Variants in ASPG observed in about 807,000 individuals in gnomAD.
The protein encoded by ASPG is 60 kDa lysophospholipase.
Under a neutral mutation model 63.2 loss-of-function variants are expected in ASPG, and 53 were observed. The observed-to-expected ratio is 0.84, with a 90% CI of 0.67 to 1.05. The LOEUF (loss-of-function observed/expected upper bound fraction) is 1.05. Among genes scored for constraint, ASPG ranks in the 50% least tolerant of loss-of-function variants. ASPG has a pLI of 0.00. For synonymous variants in ASPG, 370 were observed against 355.0 expected, an observed-to-expected ratio of 1.04 and a Z score of -0.48; for missense variants, 741 against 794.4, an observed-to-expected ratio of 0.93 and a Z score of 0.81.
chr14:104,103,499 C>T (rs1193151558), intron 6 of ASPG, 64 bp from the exon 7 acceptor site: 80 of 1,430,426 alleles, frequency 5.6e-5, no homozygotes, highest in Non-Finnish European at 7.3e-5. Context: ...GGGCCAGGCA[C>T]TGGGCTGGGG....
intron 7 of ASPG, 36 bp from the exon 8 acceptor site, chr14:104,104,268 C>A: frequency 1.9e-6 from 3 of 1,588,086 alleles, no homozygotes; most frequent in Non-Finnish European, 2.6e-6. Context: ...AGGGCAGAGA[C>A]CCTCACCATC....
At chr14:104,087,651 G>A (rs1020687711) in intron 1 of ASPG, among the ~76,000 whole-genome samples, 1 of 152,190 alleles carries the variant, frequency 6.6e-6, no homozygotes, top group Non-Finnish European at 1.5e-5. Context: ...GTGGGGCCTC[G>A]TCCGACGCCC....
intron 6 of ASPG, among the ~76,000 whole-genome samples, chr14:104,101,031 C>T (rs977321344): frequency 2.6e-5 from 4 of 152,186 alleles, no homozygotes; most frequent in East Asian, 3.8e-4. Flanking sequence ...GGGCAGGCCA[C>T]GAGGCTCAAG....
At chr14:104,085,907 C>T in intron 1 of ASPG, 55 bp downstream of exon 1, 1 of 1,498,630 alleles carries the variant, frequency 6.7e-7, no homozygotes, top group African/African-American at 1.4e-5. Context: ...CGACCGGGAG[C>T]CTCGGACCCT....
chr14:104,111,679 C>A, intron 14 of ASPG, 78 bp downstream of exon 14: 1 of 1,233,492 alleles, frequency 8.1e-7, no homozygotes, highest in Non-Finnish European at 1.2e-6. Flanking sequence ...CACCAGCTCA[C>A]TGCTCTGCCC....
intron 1 of ASPG, among the ~76,000 whole-genome samples, chr14:104,087,097 G>A (rs1162291164): frequency 3.3e-5 from 5 of 152,230 alleles, no homozygotes; most frequent in South Asian, 2.1e-4. Context: ...CACTGTGGCC[G>A]GTGCAGACCC....
At chr14:104,093,053 G>A (rs2036421197) in intron 2 of ASPG, 3 of 478,960 alleles carry the variant, frequency 6.3e-6, no homozygotes, top group Admixed American at 3.4e-5. Flanking sequence ...AGCTGGCCCA[G>A]GTGGCCTTGC....
Position 104,095,676 on chromosome 14 carries a change from G to T in ASPG, c.429+20G>T, listed in dbSNP as rs761725533. On this transcript the variant is annotated intron_variant, in intron 4 of 15. Transcript: ENST00000551177. The stretch of plus-strand genomic sequence containing the variant: ...GCCCAGGTAATCCCAGGGGCCCGGG[G>T]CTCCTAGGAACAGGGGCTTCCTGAG... The T allele has an allele frequency of 9.3e-6, 15 of 1,611,782 alleles. No individual in the cohort carries two copies. The East Asian group carries it at 2.5e-4, about 26-fold the overall frequency.
chr14:104,103,183 G>A (rs916215860), intron 6 of ASPG, among the ~76,000 whole-genome samples: 6 of 152,228 alleles, frequency 3.9e-5, no homozygotes, highest in Admixed American at 6.5e-5. Context: ...CTCGCCTGAC[G>A]CCCCCATGCG....
Position 104,093,561 on chromosome 14 carries a change from A to G in ASPG, c.262A>G (p.Met88Val), listed in dbSNP as rs371193241. ...CCAGCCCCTCTTCGACTCCAGTGAC[A>G]TGACCATCGCTGAGTGGGTTTGCCT... is the stretch of plus-strand genomic sequence containing the variant. The part of the protein sequence containing the change: ...ECQPLFDSSD[M>V]TIAEWVCLAQ... Residue 88 changes from methionine to valine, a missense_variant, in exon 3 of 16, where the codon ATG (methionine) becomes GTG (valine). Met to Val is a conservative substitution (Grantham distance 21, BLOSUM62 1). Transcript: ENST00000551177. 26 of 1,612,092 alleles carry G rather than the reference A, an allele frequency of 1.6e-5. No individual in the cohort carries two copies. Among genetic ancestry groups the G allele is most frequent in the Middle Eastern group, 3.3e-4 (2 of 6,080 alleles).
Position 104,091,358 on chromosome 14 carries a change from G to C in ASPG, c.83-1275G>C, listed in dbSNP as rs374753676. Among the ~76,000 whole-genome samples the C allele has an allele frequency of 6.6e-5, 10 of 152,216 alleles. No individual in the cohort carries two copies. In the East Asian group the frequency reaches 1.7e-3, roughly 26 times the overall value. ...GTCCTGGCTGTGCTCTGGGCGCCTCGGAGGGCAGACGGGCAGACAAACATG... is the reference window on the plus strand; with the variant it reads ...GTCCTGGCTGTGCTCTGGGCGCCTCCGAGGGCAGACGGGCAGACAAACATG... On this transcript the variant is annotated intron_variant, in intron 1 of 15. Transcript: ENST00000551177. This position sits in a 1 kb window ranked among gnomAD's most constrained non-coding sequence, Gnocchi z 6.4.
intron 2 of ASPG, 55 bp from the exon 3 acceptor site, chr14:104,093,436 A>C (rs961784780): frequency 2.1e-6 from 3 of 1,457,572 alleles, no homozygotes; most frequent in Non-Finnish European, 2.9e-6. Context: ...TTAGAGCAGG[A>C]GGAGGTGCAG....
At chr14:104,101,576 C>G (rs1235266745) in intron 6 of ASPG, among the ~76,000 whole-genome samples, 1 of 152,098 alleles carries the variant, frequency 6.6e-6, no homozygotes, top group Non-Finnish European at 1.5e-5. Context: ...GCACCCTTAC[C>G]CTTCTGTGCT....
Position 104,097,944 on chromosome 14 carries a change from T to TGC in ASPG, c.513+308_513+309insCG, listed in dbSNP as rs1566830186. The stretch of plus-strand genomic sequence containing the variant: ...GCGTTAGAGATGCGTATGGAGGTTC[T>TGC]GTGTTAGAGATGCGTATGGAGGTTC... On this transcript the variant is annotated intron_variant, in intron 5 of 15. Coordinates refer to ENST00000551177, the MANE Select transcript of ASPG (RefSeq NM_001080464.3). Among the ~76,000 whole-genome samples the TGC allele has an allele frequency of 1.4e-3, 180 of 124,784 alleles. 1 individual carries two copies. The highest frequency in any genetic ancestry group is 2.0e-3 in the Non-Finnish European group (122 of 59,984). The allele number at this position is 124,784 out of a possible 152,430, so 81.9% of individuals were successfully genotyped here.
intron 3 of ASPG, among the ~76,000 whole-genome samples, 154 bp from the exon 4 acceptor site, chr14:104,095,377 G>C (rs1039094685): frequency 6.6e-6 from 1 of 152,146 alleles, no homozygotes; most frequent in Non-Finnish European, 1.5e-5. Flanking sequence ...CACGCCAGGG[G>C]CTAATCTTCC....
chr14:104,111,624 C>T (rs1258061528), intron 14 of ASPG, 23 bp downstream of exon 14: 3 of 1,542,254 alleles, frequency 1.9e-6, no homozygotes, highest in Non-Finnish European at 1.8e-6. Context: ...ACCCCCTGCA[C>T]CCTCTCCAAA....
chr14:104,094,533 G>A (rs1744285), intron 3 of ASPG, among the ~76,000 whole-genome samples: 21,753 of 151,694 alleles, frequency 0.14, 2,187 homozygotes, highest in East Asian at 0.36. Context: ...CCCCTAGTAG[G>A]GGGCCTCCTG....
intron 3 of ASPG, 51 bp from the exon 4 acceptor site, chr14:104,095,480 C>G (rs552919778): frequency 6.2e-7 from 1 of 1,608,988 alleles, no homozygotes; most frequent in Non-Finnish European, 8.5e-7. Flanking sequence ...CAACCTCCCC[C>G]ACACCTGCTT....
chr14:104,103,990 G>A (rs892175364), intron 7 of ASPG, among the ~76,000 whole-genome samples: 1 of 152,250 alleles, frequency 6.6e-6, no homozygotes, highest in Non-Finnish European at 1.5e-5. Flanking sequence ...GCTGGACAAG[G>A]GTGTTTGCTC....
Sources: gnomAD v4.1 joint callset for allele counts (sites outside exome capture counted in the v4.1 genomes callset) on GRCh38, gnomAD v4.1.1 for gene constraint, Gnocchi (gnomAD v3.1) non-coding constraint, MANE v1.5 for transcripts, NCBI Gene and HGNC (gene_info 2026-07-23, HGNC 2026-07-21) for gene names.